Variants in FNBP1L observed in about 807,000 individuals in gnomAD.
The protein encoded by FNBP1L is formin binding protein 1 like, also known as formin-binding protein 1-like.
A neutral mutation model predicts 91.2 loss-of-function variants in FNBP1L; 36 were observed. The observed-to-expected ratio is 0.39, with a 90% CI of 0.30 to 0.52. The LOEUF is 0.52. Among genes scored for constraint, FNBP1L ranks in the 20% least tolerant of loss-of-function variants. The probability of loss-of-function intolerance (pLI) is 0.66; values close to 1 mark genes in which losing one functional copy is unlikely to be tolerated. For missense variants in FNBP1L, 571 were observed against 732.1 expected (o/e 0.78, Z 2.54); for synonymous variants, 242 against 237.0 (o/e 1.02, Z -0.19).
chr1:93,549,485 T>C, intron 15 of FNBP1L, 59 bp downstream of exon 15: 1 of 1,314,492 alleles, frequency 7.6e-7, no homozygotes, highest in Non-Finnish European at 1.0e-6. Context: ...AGTATTTACA[T>C]CAAGTCACTC....
chr1:93,539,553 T>A (rs1029376142), intron 10 of FNBP1L, among the ~76,000 whole-genome samples: 2 of 152,070 alleles, frequency 1.3e-5, no homozygotes, highest in Non-Finnish European at 2.9e-5. Flanking sequence ...ATCTTAATGT[T>A]TTCTCTAAAA....
chr1:93,543,977 T>G, intron 11 of FNBP1L, 130 bp from the exon 12 acceptor site: 1 of 493,998 alleles, frequency 2.0e-6, no homozygotes, highest in Non-Finnish European at 3.5e-6. Context: ...CTTTTTTTTT[T>G]AAGGGGTTGC....
chr1:93,517,434 C>T (rs767987916), intron 2 of FNBP1L, among the ~76,000 whole-genome samples: 24 of 152,156 alleles, frequency 1.6e-4, no homozygotes, highest in Non-Finnish European at 2.4e-4. Flanking sequence ...CCAAGGGATC[C>T]TCCCACTTTG....
chr1:93,492,304 C>G (rs1670119363), intron 1 of FNBP1L, among the ~76,000 whole-genome samples: 2 of 151,794 alleles, frequency 1.3e-5, no homozygotes, highest in African/African-American at 4.8e-5. Flanking sequence ...AAGAGAAAAG[C>G]CAGTAAAACC....
At chr1:93,512,070 G>A (rs958252257) in intron 2 of FNBP1L, among the ~76,000 whole-genome samples, 10 of 151,966 alleles carry the variant, frequency 6.6e-5, no homozygotes, top group African/African-American at 2.4e-4. Context: ...TAAAAGGATG[G>A]AGGAAGATCT....
chr1:93,464,978 C>T (rs1669022610), intron 1 of FNBP1L, among the ~76,000 whole-genome samples: 1 of 152,042 alleles, frequency 6.6e-6, no homozygotes, highest in Non-Finnish European at 1.5e-5. Context: ...CTCAGGGCCA[C>T]AATAGTCATA....
intron 9 of FNBP1L, among the ~76,000 whole-genome samples, chr1:93,535,441 C>G (rs746606233): frequency 6.6e-6 from 1 of 152,040 alleles, no homozygotes; most frequent in Non-Finnish European, 1.5e-5. Context: ...TTCTGATGTG[C>G]TCTTTATTTT....
intron 1 of FNBP1L, among the ~76,000 whole-genome samples, chr1:93,470,872 CA>C (rs560465033): frequency 0.019 from 1,414 of 76,238 alleles, 23 homozygotes; most frequent in African/African-American, 0.059. Context: ...GACTCCATCT[CA>C]AAAAAAAAAA....
intron 2 of FNBP1L, among the ~76,000 whole-genome samples, chr1:93,503,446 T>A (rs1371699752): frequency 6.6e-6 from 1 of 152,210 alleles, no homozygotes; most frequent in African/African-American, 2.4e-5. Flanking sequence ...TTCCTGATGT[T>A]AAGCAATTAC....
At chr1:93,492,487 T>C (rs901409488) in intron 1 of FNBP1L, among the ~76,000 whole-genome samples, 16 of 152,210 alleles carry the variant, frequency 1.1e-4, no homozygotes, top group Non-Finnish European at 2.1e-4. Context: ...TGGGATACTT[T>C]ACTAGTATTT....
intron 10 of FNBP1L, among the ~76,000 whole-genome samples, chr1:93,540,512 A>C (rs1392951877): frequency 6.6e-6 from 1 of 152,158 alleles, no homozygotes; most frequent in Non-Finnish European, 1.5e-5. Context: ...TTTTAAAATG[A>C]AAGTAAAAAT....
intron 14 of FNBP1L, among the ~76,000 whole-genome samples, chr1:93,548,458 A>G (rs1344914967): frequency 6.6e-6 from 1 of 152,156 alleles, no homozygotes; most frequent in African/African-American, 2.4e-5. Context: ...TAAGTTACCA[A>G]CTTCCCTGTT....
chr1:93,546,786 T>C, intron 12 of FNBP1L, 56 bp from the exon 13 acceptor site: 1 of 1,586,680 alleles, frequency 6.3e-7, no homozygotes, highest in Non-Finnish European at 8.6e-7. Flanking sequence ...TAAAACTCTT[T>C]TATCTGGAAG....
chr1:93,482,764 A>G (rs1669754358), intron 1 of FNBP1L, among the ~76,000 whole-genome samples: 3 of 152,132 alleles, frequency 2.0e-5, no homozygotes, highest in Admixed American at 6.5e-5. Flanking sequence ...TCACGCCTGT[A>G]ATCCCAGCAC....
At chr1:93,463,282 G>A (rs1261301470) in intron 1 of FNBP1L, among the ~76,000 whole-genome samples, 1 of 152,094 alleles carries the variant, frequency 6.6e-6, no homozygotes, top group Non-Finnish European at 1.5e-5. Flanking sequence ...TCATTTTGTT[G>A]TAGAATAGTG....
intron 2 of FNBP1L, among the ~76,000 whole-genome samples, chr1:93,506,109 A>G (rs1670602742): frequency 6.6e-6 from 1 of 152,234 alleles, no homozygotes; most frequent in Admixed American, 6.5e-5. Flanking sequence ...TTTACAATAT[A>G]AATTTATTGA....
intron 2 of FNBP1L, among the ~76,000 whole-genome samples, chr1:93,510,352 A>G (rs931856598): frequency 2.0e-5 from 3 of 152,154 alleles, no homozygotes; most frequent in Non-Finnish European, 4.4e-5. Flanking sequence ...GGGCAGACTG[A>G]CACCTCACAC....
At chr1:93,486,673 C>T (rs531518726) in intron 1 of FNBP1L, among the ~76,000 whole-genome samples, 1 of 152,262 alleles carries the variant, frequency 6.6e-6, no homozygotes, top group East Asian at 1.9e-4. Flanking sequence ...TGAAAATAAA[C>T]AGAAGCAATC....
At chr1:93,539,950 T>G (rs75459604) in intron 10 of FNBP1L, among the ~76,000 whole-genome samples, 1 of 152,204 alleles carries the variant, frequency 6.6e-6, no homozygotes, top group African/African-American at 2.4e-5. Flanking sequence ...CAACACCTTC[T>G]CTTAAAACAT....
Sources: allele counts gnomAD v4.1 joint callset (sites outside exome capture counted in the v4.1 genomes callset), GRCh38; gene constraint gnomAD v4.1.1; transcripts MANE v1.5; gene names NCBI Gene and HGNC (gene_info 2026-07-23, HGNC 2026-07-21).